The following TRAPPC9 variants were observed in gnomAD, a reference collection of about 807,000 sequenced individuals.
TRAPPC9 encodes the protein IKK2 binding protein.
A neutral mutation model predicts 124.0 loss-of-function variants in TRAPPC9; 83 were observed. That is an observed-to-expected ratio of 0.67 (90% CI 0.56 to 0.80). The LOEUF is 0.80. Among genes scored for constraint, TRAPPC9 ranks in the 30% least tolerant of loss-of-function variants. TRAPPC9 has a pLI of 0.00. For missense variants in TRAPPC9, 1,302 were observed against 1,508.3 expected (o/e 0.86, Z 2.27); for synonymous variants, 638 against 617.5 (o/e 1.03, Z -0.49).
At chr8:140,157,005 T>C (rs1372028679) in intron 17 of TRAPPC9, among the ~76,000 whole-genome samples, 49 of 99,410 alleles carry the variant, frequency 4.9e-4, no homozygotes, top group South Asian at 8.8e-4. Flanking sequence ...GCCTCCCTTT[T>C]CCATTCAGAA....
Position 139,730,121 on chromosome 8 carries a change from T to A in TRAPPC9, c.*940A>T, listed in dbSNP as rs1817730035. 6.6e-6 allele frequency among the ~76,000 whole-genome samples: 1 copy of A among 151,956 alleles called. No individual in the cohort carries two copies. Among genetic ancestry groups the A allele is most frequent in the African/African-American group, 2.4e-5 (1 of 41,386 alleles). ...GGCAGCTCGGGCCCAGTCACACTCC[T>A]TCACTGGTGATCTCCCTCCCCTGCA... is the stretch of plus-strand genomic sequence containing the variant. On this transcript the variant is annotated 3_prime_UTR_variant, in exon 23 of 23. Coordinates refer to ENST00000438773, the MANE Select transcript of TRAPPC9 (RefSeq NM_001160372.4).
chr8:139,800,778 C>T (rs201219657), intron 21 of TRAPPC9, among the ~76,000 whole-genome samples: 4 of 151,864 alleles, frequency 2.6e-5, no homozygotes, highest in African/African-American at 9.7e-5. Context: ...TCCCTCCCTC[C>T]GGCACCTTCC....
chr8:140,321,407 T>C (rs953563656), intron 9 of TRAPPC9, among the ~76,000 whole-genome samples: 10 of 152,342 alleles, frequency 6.6e-5, no homozygotes, highest in Middle Eastern at 3.4e-3. Flanking sequence ...GCAGAGTTGC[T>C]GTTCAACTCT....
At chr8:140,291,132 T>C in intron 11 of TRAPPC9, 54 bp from the exon 12 acceptor site, 1 of 1,510,394 alleles carries the variant, frequency 6.6e-7, no homozygotes, top group Non-Finnish European at 9.2e-7. Context: ...ATTTTTTCAC[T>C]TTCTACATGG....
At chr8:140,098,680 GCCT>G (rs1318846611) in intron 17 of TRAPPC9, 1 of 151,112 alleles carries the variant, frequency 6.6e-6, no homozygotes, top group African/African-American at 2.4e-5. Context: ...AAGTAACGAC[GCCT>G]CCTCCCTCCT....
At chr8:139,857,663 C>A (rs1489208131) in intron 21 of TRAPPC9, among the ~76,000 whole-genome samples, 1 of 152,238 alleles carries the variant, frequency 6.6e-6, no homozygotes, top group East Asian at 1.9e-4. Flanking sequence ...ATGGGGCCGT[C>A]TGACCACCTC....
chr8:140,317,522 G>A (rs999943683), intron 9 of TRAPPC9, among the ~76,000 whole-genome samples: 1 of 152,182 alleles, frequency 6.6e-6, no homozygotes, highest in African/African-American at 2.4e-5. Flanking sequence ...AAACCCAGAG[G>A]CTAGAAGTGC....
At position 139,918,730 on chromosome 8, in the gene TRAPPC9, G is replaced by T. The variant is rs184538337; in HGVS notation, c.2811-8430C>A. Among the ~76,000 whole-genome samples, 399 of 152,340 alleles carry T rather than the reference G, an allele frequency of 2.6e-3. 1 individual carries two copies. The highest frequency in any genetic ancestry group is 4.2e-3 in the Non-Finnish European group (285 of 68,036). On this transcript the variant is annotated intron_variant, in intron 19 of 22. Coordinates refer to ENST00000438773, the MANE Select transcript of TRAPPC9 (RefSeq NM_001160372.4). ...TTCTCCGGATCAATGTTTATTTTAG[G>T]ACCTTTAAGTATTGTTTTCTTCAGC...
intron 11 of TRAPPC9, among the ~76,000 whole-genome samples, chr8:140,300,120 T>C (rs545785404): frequency 6.6e-6 from 1 of 152,350 alleles, no homozygotes; most frequent in African/African-American, 2.4e-5. Flanking sequence ...CTATGGGCAA[T>C]TGCCTGCCAA....
intron 7 of TRAPPC9, among the ~76,000 whole-genome samples, chr8:140,394,550 C>G (rs1029148221): frequency 1.3e-5 from 2 of 152,212 alleles, no homozygotes; most frequent in Admixed American, 6.5e-5. Flanking sequence ...GGGTGTGAAC[C>G]TGAGCCCATC....
rs2064303209 is a variant in TRAPPC9, at chr8:140,257,726, T to C, written c.2279-4797A>G. Among the ~76,000 whole-genome samples, 1 of 152,208 alleles carries C rather than the reference T, an allele frequency of 6.6e-6. No homozygotes were observed. The highest frequency in any genetic ancestry group is 1.5e-5 in the Non-Finnish European group (1 of 68,038). On this transcript the variant is annotated intron_variant, in intron 15 of 22. Coordinates refer to ENST00000438773, the MANE Select transcript of TRAPPC9 (RefSeq NM_001160372.4). The surrounding 1 kb of genome is among the most constrained non-coding windows in gnomAD (Gnocchi z 4.6). The stretch of plus-strand genomic sequence containing the variant: ...GGCTGGATTTTCTAGAGCTTTTTAA[T>C]ACCCAGGTCCAGGGTATCTACTCAG...
In TRAPPC9 at chr8:139,769,778, A is replaced by T. The variant is rs116056527; in HGVS notation, c.3056-37576T>A. Among the ~76,000 whole-genome samples, 1,354 of 152,374 alleles carry T rather than the reference A, an allele frequency of 8.9e-3. 22 individuals carry two copies. Among genetic ancestry groups the T allele is most frequent in the African/African-American group, 0.031 (1,277 of 41,596 alleles). ...GAAGAACTAATATTCACTAAATTTT[A>T]GGTAGAGCATGAATTACTTTTATAC... On this transcript the variant is annotated intron_variant, in intron 21 of 22. Coordinates refer to ENST00000438773, the MANE Select transcript of TRAPPC9 (RefSeq NM_001160372.4).
chr8:140,344,590 G>T (rs1363364472), intron 9 of TRAPPC9, among the ~76,000 whole-genome samples: 1 of 152,224 alleles, frequency 6.6e-6, no homozygotes, highest in East Asian at 1.9e-4. Context: ...GAACTGAGGT[G>T]CACAGAAATG....
At chr8:139,820,058 C>T (rs940639855) in intron 21 of TRAPPC9, among the ~76,000 whole-genome samples, 14 of 140,344 alleles carry the variant, frequency 1.0e-4, no homozygotes, top group Admixed American at 7.8e-4. Context: ...AAAACCATTA[C>T]AACACTGAAA....
At chr8:139,786,373 C>T (rs1283160938) in intron 21 of TRAPPC9, among the ~76,000 whole-genome samples, 1 of 152,106 alleles carries the variant, frequency 6.6e-6, no homozygotes, top group Non-Finnish European at 1.5e-5. Context: ...TTCACTAATC[C>T]GTTAGAGGGC....
chr8:139,810,752 C>A (rs183745702), intron 21 of TRAPPC9, among the ~76,000 whole-genome samples: 10 of 152,128 alleles, frequency 6.6e-5, no homozygotes, highest in Admixed American at 4.6e-4. Flanking sequence ...GGATGTGGCT[C>A]CCTGAATGCT....
At chr8:140,354,592 C>T (rs185914628) in intron 9 of TRAPPC9, among the ~76,000 whole-genome samples, 1 of 152,324 alleles carries the variant, frequency 6.6e-6, no homozygotes, top group African/African-American at 2.4e-5. Flanking sequence ...TCCAGCTTCA[C>T]AAAGGACAAG....
chr8:140,383,799 C>A (rs538397463), intron 7 of TRAPPC9, among the ~76,000 whole-genome samples: 2 of 152,022 alleles, frequency 1.3e-5, no homozygotes, highest in Non-Finnish European at 2.9e-5. Context: ...TTCAAATTCA[C>A]GAAATACAGA....
chr8:140,455,651 G>A (rs1485295194), intron 1 of TRAPPC9, among the ~76,000 whole-genome samples: 1 of 148,944 alleles, frequency 6.7e-6, no homozygotes, highest in South Asian at 2.2e-4. Flanking sequence ...GGATGGTCTC[G>A]ATCTCTTGAC....
Sources: allele counts gnomAD v4.1 joint callset (sites outside exome capture counted in the v4.1 genomes callset), GRCh38; gene constraint gnomAD v4.1.1; non-coding constraint Gnocchi (gnomAD v3.1); transcripts MANE v1.5; gene names NCBI Gene and HGNC (gene_info 2026-07-23, HGNC 2026-07-21).